CNEP1R1: variants seen among roughly 807,000 people sequenced by gnomAD.
CNEP1R1 encodes nuclear envelope phosphatase-regulatory subunit 1.
CNEP1R1 carries 10 observed loss-of-function variants against 22.7 expected under a neutral mutation model. That is an observed-to-expected ratio of 0.44 (90% CI 0.27 to 0.75). The LOEUF (loss-of-function observed/expected upper bound fraction) is 0.75. Among genes scored for constraint, CNEP1R1 ranks in the 30% least tolerant of loss-of-function variants. The probability of loss-of-function intolerance (pLI) is 0.17; values close to 1 mark genes in which losing one functional copy is unlikely to be tolerated. For missense variants in CNEP1R1, 73 were observed against 151.5 expected, an observed-to-expected ratio of 0.48 and a Z score of 2.72; for synonymous variants, 53 against 50.1, an observed-to-expected ratio of 1.06 and a Z score of -0.25.
rs1195418016 is a variant in CNEP1R1 at position 50,026,314 on chromosome 16, G to A, written c.26-82G>A. 4.7e-5 allele frequency: 44 copies of A among 936,738 alleles called. 1 individual carries two copies. The South Asian group carries it at 6.0e-4, about 13-fold the overall frequency. 58.0% of individuals were successfully genotyped at this position (936,738 alleles called of 1,614,324 possible). On this transcript the variant is annotated intron_variant, in intron 1 of 5. Coordinates refer to ENST00000427478, the MANE Select transcript of CNEP1R1 (RefSeq NM_001281789.2). ...AGCAGTTAAGAGTATCTCACATGTC[G>A]TCTTAATGTTAGGTAAATACTCTGA...
chr16:50,027,902 A>G (rs894473826), intron 2 of CNEP1R1, among the ~76,000 whole-genome samples: 1 of 152,196 alleles, frequency 6.6e-6, no homozygotes, highest in African/African-American at 2.4e-5. Flanking sequence ...GGACAAATAT[A>G]TGAGCCATGA....
At chr16:50,033,863 CAAAAAAA>C (rs748163459) in intron 4 of CNEP1R1, among the ~76,000 whole-genome samples, 1 of 101,242 alleles carries the variant, frequency 9.9e-6, no homozygotes, top group Non-Finnish European at 2.0e-5. Flanking sequence ...GACTGCGTCT[CAAAAAAA>C]AAAAAAAGAG....
intron 3 of CNEP1R1, among the ~76,000 whole-genome samples, chr16:50,031,994 A>G (rs1297422822): frequency 1.3e-5 from 2 of 152,340 alleles, no homozygotes; most frequent in East Asian, 3.9e-4. Flanking sequence ...TTTGAAGAAG[A>G]CGTTCTTCTG....
At chr16:50,027,389 T>G (rs960558102) in intron 2 of CNEP1R1, among the ~76,000 whole-genome samples, 4 of 151,482 alleles carry the variant, frequency 2.6e-5, no homozygotes, top group Non-Finnish European at 2.9e-5. Flanking sequence ...GCGCCTGTAG[T>G]CCCAGCTACT....
chr16:50,029,484 A>T (rs912756127), intron 2 of CNEP1R1, among the ~76,000 whole-genome samples: 4 of 152,220 alleles, frequency 2.6e-5, no homozygotes, highest in African/African-American at 9.6e-5. Context: ...TATTTCATTG[A>T]TCATCATAAG....
chr16:50,034,397 ATAAAATCATGATGCATCT>A, intron 5 of CNEP1R1: 1 of 496,010 alleles, frequency 2.0e-6, no homozygotes, highest in Non-Finnish European at 3.7e-6. Context: ...TCTTAATGAC[ATAAAATCATGATGCATCT>A]TATAACTGAT....
At chr16:50,030,703 C>CT (rs1669289169) in intron 3 of CNEP1R1, among the ~76,000 whole-genome samples, 1 of 152,214 alleles carries the variant, frequency 6.6e-6, no homozygotes, top group African/African-American at 2.4e-5. Context: ...AAATTAGTCT[C>CT]TGAGTTACCT....
chr16:50,032,334 G>GT (rs1270621173), intron 3 of CNEP1R1, among the ~76,000 whole-genome samples: 1 of 152,106 alleles, frequency 6.6e-6, no homozygotes, highest in African/African-American at 2.4e-5. Context: ...CTGGACCCTT[G>GT]TCCCTCTACA....
intron 5 of CNEP1R1, 153 bp downstream of exon 5, chr16:50,034,309 A>AT (rs968494318): frequency 1.0e-5 from 6 of 592,704 alleles, no homozygotes; most frequent in African/African-American, 3.7e-5. Flanking sequence ...GTACTTTTAC[A>AT]TTTAACATCT....
Position 50,025,283 on chromosome 16 carries a change from G to C in CNEP1R1, c.-33G>C, listed in dbSNP as rs1460134287. 4 of 1,424,886 alleles carry C rather than the reference G, an allele frequency of 2.8e-6. No individual in the cohort carries two copies. Among genetic ancestry groups the C allele is most frequent in the Non-Finnish European group, 3.7e-6 (4 of 1,094,974 alleles). The allele number at this position is 1,424,886 out of a possible 1,614,324, so 88.3% of individuals were successfully genotyped here. A position where few individuals can be genotyped will look rare whatever the true frequency, so the allele number is the denominator to read the frequency against. ...GGCCGCGGAAGCTGCGATGCGGACA[G>C]GGCAGCGGCGGTGACCCGAGCTGCC... On this transcript the variant is annotated 5_prime_UTR_variant, in exon 1 of 6. Coordinates refer to ENST00000427478, the MANE Select transcript of CNEP1R1 (RefSeq NM_001281789.2).
Position 50,033,388 on chromosome 16 carries a change from C to G in CNEP1R1, c.172-9C>G. On this transcript the variant is annotated splice_polypyrimidine_tract_variant and intron_variant, in intron 3 of 5. Coordinates refer to ENST00000427478, the MANE Select transcript of CNEP1R1 (RefSeq NM_001281789.2). ...TAACATTTTTATATTTTCATCTCTTCTTTTACAGGTGTCCTTCTTCACATC... is the reference window on the plus strand; with the variant it reads ...TAACATTTTTATATTTTCATCTCTTGTTTTACAGGTGTCCTTCTTCACATC... 11 of 1,456,336 alleles carry G rather than the reference C, an allele frequency of 7.6e-6. No homozygotes were observed. Among genetic ancestry groups the G allele is most frequent in the Non-Finnish European group, 9.6e-6 (10 of 1,043,418 alleles). 90.2% of individuals were successfully genotyped at this position (1,456,336 alleles called of 1,614,324 possible).
intron 2 of CNEP1R1, 134 bp downstream of exon 2, chr16:50,026,601 T>G (rs2036185959): frequency 7.4e-6 from 5 of 677,178 alleles, no homozygotes; most frequent in Non-Finnish European, 1.0e-5. Flanking sequence ...ATGAAGAAAT[T>G]TTTAAGAAAA....
chr16:50,030,825 A>C (rs2036225229), intron 3 of CNEP1R1, among the ~76,000 whole-genome samples: 2 of 152,214 alleles, frequency 1.3e-5, no homozygotes, highest in African/African-American at 2.4e-5. Context: ...CTCTGAAAAA[A>C]AATTTCTTGC....
intron 3 of CNEP1R1, 45 bp from the exon 4 acceptor site, chr16:50,033,352 C>T (rs370165315): frequency 2.1e-6 from 2 of 932,638 alleles, no homozygotes; most frequent in Non-Finnish European, 3.4e-6. Flanking sequence ...AATCAGCCAT[C>T]CTAAGATTTT....
chr16:50,028,998 ATG>A (rs2036210023), intron 2 of CNEP1R1, among the ~76,000 whole-genome samples: 1 of 152,192 alleles, frequency 6.6e-6, no homozygotes, highest in Non-Finnish European at 1.5e-5. Flanking sequence ...CATTTGAAAA[ATG>A]TATGCATCCT....
At chr16:50,026,641 C>G in intron 2 of CNEP1R1, 174 bp downstream of exon 2, 1 of 597,886 alleles carries the variant, frequency 1.7e-6, no homozygotes, top group South Asian at 2.1e-5. Flanking sequence ...CTCAAAAGAA[C>G]AGTCTATTTC....
At position 50,025,255 on chromosome 16, in the gene CNEP1R1, G is replaced by C. The variant is rs962544168; in HGVS notation, c.-61G>C. ...TGGGAGTTGGCGCTGCGGGCCGGGC[G>C]GGGGCCGCGGAAGCTGCGATGCGGA... On this transcript the variant is annotated 5_prime_UTR_variant, in exon 1 of 6. Transcript: ENST00000427478. 5.0e-5 allele frequency: 69 copies of C among 1,379,272 alleles called. No homozygotes were observed. The highest frequency in any genetic ancestry group is 1.4e-4 in the Admixed American group (4 of 27,796). 85.4% of individuals were successfully genotyped at this position (1,379,272 alleles called of 1,614,324 possible). A position where few individuals can be genotyped will look rare whatever the true frequency, so the allele number is the denominator to read the frequency against.
intron 1 of CNEP1R1, chr16:50,026,052 C>G (rs16948169): frequency 2.4e-6 from 1 of 423,654 alleles, no homozygotes; most frequent in East Asian, 3.6e-5. Context: ...AGCTAAAACT[C>G]GACCTGATTT....
chr16:50,028,677 T>C (rs1300220764), intron 2 of CNEP1R1, among the ~76,000 whole-genome samples: 1 of 152,230 alleles, frequency 6.6e-6, no homozygotes, highest in African/African-American at 2.4e-5. Flanking sequence ...ACTTGGTTAA[T>C]GAACCAGTCA....
Sources: allele counts gnomAD v4.1 joint callset (sites outside exome capture counted in the v4.1 genomes callset), GRCh38; gene constraint gnomAD v4.1.1; transcripts MANE v1.5; gene names NCBI Gene and HGNC (gene_info 2026-07-23, HGNC 2026-07-21).